Variants in ANO2 observed in about 807,000 individuals in gnomAD.
ANO2 encodes the protein anoctamin 2, also known as anoctamin-2.
A neutral mutation model predicts 124.2 loss-of-function variants in ANO2; 101 were observed. The ratio of observed to expected loss-of-function variants is 0.81; its 90% CI spans 0.69 to 0.96. ANO2 has a LOEUF of 0.96. Ranked by LOEUF, ANO2 falls within the 40% of genes least tolerant of loss-of-function variation. The pLI, the probability that ANO2 is intolerant of heterozygous loss-of-function variation, is 0.00. For synonymous variants in ANO2, 486 were observed against 482.5 expected (o/e 1.01, Z -0.09); for missense variants, 1,293 against 1,274.5 (o/e 1.01, Z -0.22).
At chr12:5,927,422 T>A (rs1565787961) in intron 1 of ANO2, among the ~76,000 whole-genome samples, 1 of 152,296 alleles carries the variant, frequency 6.6e-6, no homozygotes, top group South Asian at 2.1e-4. Context: ...GAACAGAGAC[T>A]GAAGGATGGA....
rs114611921 is a variant in ANO2 at position 5,883,484 on chromosome 12, C to T, written c.535-29343G>A. Among the ~76,000 whole-genome samples, 691 of 142,224 alleles carry T rather than the reference C, an allele frequency of 4.9e-3. 7 individuals are homozygous for T. The highest frequency in any genetic ancestry group is 0.018 in the African/African-American group (666 of 36,260). The allele number at this position is 142,224 out of a possible 152,430, so 93.3% of individuals were successfully genotyped here. On this transcript the variant is annotated intron_variant, in intron 3 of 24. Transcript: ENST00000682330. ...TCCTAGGGTGGTCTGTGCATGTGTG[C>T]GTGTTTGACATTAGGGTGGTGTGTG...
At chr12:5,745,780 T>C (rs1951248376) in intron 11 of ANO2, among the ~76,000 whole-genome samples, 2 of 152,144 alleles carry the variant, frequency 1.3e-5, no homozygotes, top group South Asian at 4.2e-4. Context: ...TCAATAAAAA[T>C]GACTCATCCA....
At chr12:5,811,641 C>G (rs1283340288) in intron 7 of ANO2, among the ~76,000 whole-genome samples, 1 of 152,210 alleles carries the variant, frequency 6.6e-6, no homozygotes, top group African/African-American at 2.4e-5. Context: ...TTACCCTCCT[C>G]TGATATGGTC....
intron 14 of ANO2, among the ~76,000 whole-genome samples, chr12:5,661,552 G>A (rs1947443263): frequency 6.6e-6 from 1 of 152,108 alleles, no homozygotes; most frequent in South Asian, 2.1e-4. Context: ...AGCCCAGGAG[G>A]ATGGGAAGAG....
rs55663635 is a variant in ANO2, at chr12:5,853,166, A to ATTTT, written c.633+873_633+876dup. 7.1e-3 allele frequency among the ~76,000 whole-genome samples: 996 copies of ATTTT among 140,028 alleles called. 9 individuals are homozygous for ATTTT. Among genetic ancestry groups the ATTTT allele is most frequent in the Middle Eastern group, 0.022 (6 of 270 alleles). The allele number at this position is 140,028 out of a possible 152,430, so 91.9% of individuals were successfully genotyped here. A position where few individuals can be genotyped will look rare whatever the true frequency, so the allele number is the denominator to read the frequency against. On this transcript the variant is annotated intron_variant, in intron 4 of 24. Coordinates refer to ENST00000682330, the MANE Select transcript of ANO2 (RefSeq NM_001364791.2). ...TGTCACCTAGAAATTCCCTGGGTAG[A>ATTTT]TTTTTTTTTTTTTTTGGTAGAGGTG...
At chr12:5,574,713 C>A (rs1311480314) in intron 23 of ANO2, among the ~76,000 whole-genome samples, 2 of 152,232 alleles carry the variant, frequency 1.3e-5, no homozygotes, top group Non-Finnish European at 2.9e-5. Flanking sequence ...CCCAGCTGCG[C>A]TCCCTGGGTC....
intron 14 of ANO2, among the ~76,000 whole-genome samples, chr12:5,714,153 G>A (rs765601497): frequency 2.0e-5 from 3 of 152,114 alleles, no homozygotes; most frequent in South Asian, 2.1e-4. Flanking sequence ...CCACTCTACC[G>A]GATCACTCCA....
intron 16 of ANO2, among the ~76,000 whole-genome samples, chr12:5,625,060 G>C (rs1247520844): frequency 6.6e-6 from 1 of 152,230 alleles, no homozygotes; most frequent in East Asian, 1.9e-4. Context: ...GGGAATTGGA[G>C]AGGAAGGCCG....
intron 1 of ANO2, among the ~76,000 whole-genome samples, chr12:5,928,597 C>G: frequency 6.7e-6 from 1 of 149,712 alleles, no homozygotes; most frequent in African/African-American, 2.5e-5. Flanking sequence ...ACTAGTCTAT[C>G]TTCTTTCCTT....
At chr12:5,945,358 C>T (rs1591824101), upstream of ANO2, 8 of 871,806 alleles carry the variant, frequency 9.2e-6, no homozygotes, top group African/African-American at 7.3e-5. Context: ...TCCCCCATCC[C>T]TCCCGGCCGC....
intron 19 of ANO2, among the ~76,000 whole-genome samples, chr12:5,610,592 T>A (rs922534198): frequency 1.4e-5 from 2 of 143,106 alleles, no homozygotes; most frequent in Non-Finnish European, 3.0e-5. Flanking sequence ...TTTATATTTA[T>A]AAATATATTT....
intron 14 of ANO2, among the ~76,000 whole-genome samples, chr12:5,713,250 G>A (rs747615519): frequency 2.6e-5 from 4 of 152,210 alleles, no homozygotes; most frequent in Non-Finnish European, 5.9e-5. Flanking sequence ...GAGGAAAGGA[G>A]CAATTCAAAA....
intron 9 of ANO2, 110 bp from the exon 10 acceptor site, chr12:5,799,681 A>C: frequency 1.0e-6 from 1 of 969,388 alleles, no homozygotes; most frequent in Non-Finnish European, 1.6e-6. Context: ...GCTTCTAAGA[A>C]ATTCTCATGA....
chr12:5,680,019 C>T (rs1368874043), intron 14 of ANO2, among the ~76,000 whole-genome samples: 7 of 152,176 alleles, frequency 4.6e-5, no homozygotes, highest in East Asian at 1.9e-4. Context: ...CCATTATTCT[C>T]GGCAAACTAA....
intron 14 of ANO2, among the ~76,000 whole-genome samples, chr12:5,723,861 A>G (rs1440846915): frequency 6.6e-6 from 1 of 152,130 alleles, no homozygotes; most frequent in African/African-American, 2.4e-5. Flanking sequence ...GTGTGCACAG[A>G]TCCTCTGAAG....
At chr12:5,569,681 G>T (rs1467084744) in intron 23 of ANO2, among the ~76,000 whole-genome samples, 1 of 152,134 alleles carries the variant, frequency 6.6e-6, no homozygotes, top group Non-Finnish European at 1.5e-5. Flanking sequence ...GAGCATAGAG[G>T]AGCTGTCTCA....
At position 5,638,567 on chromosome 12, in the gene ANO2, C is replaced by T. The variant is rs143790655; in HGVS notation, c.1621-3220G>A. ...TTGATTTTCTTTATTAAGTTCAATA[C>T]GTATTTTCTGGCCGCTTATTGTGCG... On this transcript the variant is annotated intron_variant, in intron 15 of 24. Transcript: ENST00000682330. Among the ~76,000 whole-genome samples, 233 of 150,540 alleles carry T rather than the reference C, an allele frequency of 1.5e-3. 1 individual carries two copies. Among genetic ancestry groups the T allele is most frequent in the Middle Eastern group, 3.4e-3 (1 of 294 alleles).
At chr12:5,822,973 A>T (rs1006131896) in intron 7 of ANO2, among the ~76,000 whole-genome samples, 1 of 152,222 alleles carries the variant, frequency 6.6e-6, no homozygotes, top group African/African-American at 2.4e-5. Flanking sequence ...AGATCTCATG[A>T]GACTTATTCA....
chr12:5,854,398 CAAAAAAAAA>C (rs56030072), intron 3 of ANO2, among the ~76,000 whole-genome samples: 2 of 76,118 alleles, frequency 2.6e-5, no homozygotes, highest in African/African-American at 1.2e-4. Flanking sequence ...AGCTTCAGAG[CAAAAAAAAA>C]AAAAAAAAAA....
Sources: allele counts gnomAD v4.1 joint callset (sites outside exome capture counted in the v4.1 genomes callset), GRCh38; gene constraint gnomAD v4.1.1; transcripts MANE v1.5; gene names NCBI Gene and HGNC (gene_info 2026-07-23, HGNC 2026-07-21).